Variants in EHBP1 observed in about 807,000 individuals in gnomAD.
EHBP1 encodes EH domain binding protein 1.
EHBP1 carries 55 observed loss-of-function variants against 144.0 expected under a neutral mutation model. The observed-to-expected ratio is 0.38, with a 90% confidence interval of 0.31 to 0.48. EHBP1 has a LOEUF of 0.48. Ranked by LOEUF, EHBP1 falls within the 20% of genes least tolerant of loss-of-function variation. EHBP1 has a pLI of 0.98. For synonymous variants in EHBP1, 469 were observed against 472.7 expected (o/e 0.99, Z 0.10); for missense variants, 1,200 against 1,364.2 (o/e 0.88, Z 1.90).
chr2:62,883,235 T>C (rs555131332), intron 10 of EHBP1, among the ~76,000 whole-genome samples: 9 of 152,328 alleles, frequency 5.9e-5, no homozygotes, highest in Admixed American at 6.5e-5. Flanking sequence ...TGGTTCCAGG[T>C]TGGAACTCTA....
chr2:62,823,568 A>G (rs532071350), intron 5 of EHBP1, among the ~76,000 whole-genome samples: 35 of 152,044 alleles, frequency 2.3e-4, no homozygotes, highest in Non-Finnish European at 4.4e-4. Context: ...CTCTTATAGA[A>G]CCGATTATAG....
intron 10 of EHBP1, among the ~76,000 whole-genome samples, chr2:62,922,025 A>C (rs751764309): frequency 6.6e-6 from 1 of 152,138 alleles, no homozygotes; most frequent in South Asian, 2.1e-4. Flanking sequence ...AACTGCAAAA[A>C]TTAGCCAGGC....
Position 63,037,544 on chromosome 2 carries a change from C to CAGA in EHBP1, c.3125_3127dup (p.Glu1042dup). 6.2e-7 allele frequency: 1 copy of CAGA among 1,604,248 alleles called. No homozygotes were observed. Among genetic ancestry groups the CAGA allele is most frequent in the Non-Finnish European group, 8.5e-7 (1 of 1,174,726 alleles). On this transcript the variant is annotated inframe_insertion, in exon 20 of 23. Coordinates refer to ENST00000431489, the MANE Select transcript of EHBP1 (RefSeq NM_001142616.3). ...TCTTCCCGAATTATAGGAAGGAACA[C>CAGA]AGAAGAAGAAGAAGCTATGATGCAG...
chr2:62,808,305 A>G (rs1243685542), intron 5 of EHBP1, among the ~76,000 whole-genome samples: 4 of 122,074 alleles, frequency 3.3e-5, no homozygotes, highest in Non-Finnish European at 7.0e-5. Flanking sequence ...TGGCTACTCT[A>G]TTTTTTTTTC....
chr2:63,006,441 G>GT, intron 19 of EHBP1, among the ~76,000 whole-genome samples: 1 of 151,922 alleles, frequency 6.6e-6, no homozygotes, highest in East Asian at 1.9e-4. Context: ...GTTCTTGCCT[G>GT]TTTTTTCCAC....
At chr2:62,912,097 T>C (rs1048586766) in intron 10 of EHBP1, among the ~76,000 whole-genome samples, 1 of 152,244 alleles carries the variant, frequency 6.6e-6, no homozygotes, top group Non-Finnish European at 1.5e-5. Context: ...AGATTATGTA[T>C]GTTAAAGGAG....
At chr2:62,770,934 A>AT (rs769056780) in intron 4 of EHBP1, among the ~76,000 whole-genome samples, 25 of 152,200 alleles carry the variant, frequency 1.6e-4, no homozygotes, top group Non-Finnish European at 3.2e-4. Flanking sequence ...GTTCTCATTT[A>AT]TAAGTGGGAG....
In EHBP1 at chr2:62,747,425, C is replaced by G; in HGVS notation, c.135C>G (p.Thr45=). ...WQPDKLVVVW[T]RRSRRKSSKA... ...CAGATAAACTGGTGGTAGTTTGGACCAGAAGAAGCCGAAGGAAGTCTTCTA... is the reference window on the plus strand; with the variant it reads ...CAGATAAACTGGTGGTAGTTTGGACGAGAAGAAGCCGAAGGAAGTCTTCTA... The change falls in exon 3 of 23, where the codon ACC becomes ACG. Residue 45 remains threonine (T), a synonymous_variant. Coordinates refer to ENST00000431489, the MANE Select transcript of EHBP1 (RefSeq NM_001142616.3). The G allele has an allele frequency of 6.2e-7, 1 of 1,609,040 alleles. No homozygotes were observed. Among genetic ancestry groups the G allele is most frequent in the Non-Finnish European group, 8.5e-7 (1 of 1,177,472 alleles).
intron 2 of EHBP1, among the ~76,000 whole-genome samples, chr2:62,728,071 C>CTAGT (rs1385104259): frequency 2.6e-5 from 4 of 152,138 alleles, no homozygotes; most frequent in Non-Finnish European, 5.9e-5. Flanking sequence ...ATTGGACACC[C>CTAGT]TAGTAGTCTG....
intron 7 of EHBP1, among the ~76,000 whole-genome samples, chr2:62,850,789 TTTAAG>T (rs1242334825): frequency 1.4e-4 from 21 of 152,314 alleles, no homozygotes; most frequent in Middle Eastern, 6.8e-3. Context: ...TAAATTTTCT[TTTAAG>T]TTAATTTTTT....
chr2:62,964,301 A>T (rs2153147107), intron 14 of EHBP1, among the ~76,000 whole-genome samples: 1 of 152,312 alleles, frequency 6.6e-6, no homozygotes, highest in South Asian at 2.1e-4. Flanking sequence ...GTGTCTTAGC[A>T]TCAGAAACAC....
chr2:63,043,832 G>C (rs1311948226), intron 21 of EHBP1: 2 of 138,580 alleles, frequency 1.4e-5, no homozygotes, highest in African/African-American at 2.7e-5. Flanking sequence ...AGAGAGAAGA[G>C]AGAAACCCAA....
chr2:62,790,168 A>G (rs1157733140), intron 5 of EHBP1, among the ~76,000 whole-genome samples: 1 of 152,214 alleles, frequency 6.6e-6, no homozygotes, highest in Non-Finnish European at 1.5e-5. Flanking sequence ...ATTGAATGAA[A>G]TAAATGAAGA....
At chr2:62,963,639 A>G (rs762812580) in intron 14 of EHBP1, among the ~76,000 whole-genome samples, 1 of 152,214 alleles carries the variant, frequency 6.6e-6, no homozygotes, top group Non-Finnish European at 1.5e-5. Context: ...TATCAATTCT[A>G]CTGTTAGGAA....
intron 21 of EHBP1, among the ~76,000 whole-genome samples, chr2:63,042,436 C>T (rs1355559791): frequency 6.6e-6 from 1 of 151,904 alleles, no homozygotes; most frequent in East Asian, 1.9e-4. Flanking sequence ...TTGCTATTTC[C>T]TGTACAGTTG....
intron 6 of EHBP1, among the ~76,000 whole-genome samples, chr2:62,828,465 G>T (rs746984095): frequency 9.2e-5 from 14 of 152,032 alleles, no homozygotes; most frequent in Admixed American, 7.2e-4. Context: ...CAAATACATG[G>T]TATTTAACAT....
chr2:62,730,624 TAGAG>T lies in EHBP1; in HGVS notation c.105-16757_105-16754del, dbSNP rs898881603. Among the ~76,000 whole-genome samples the T allele has an allele frequency of 7.5e-4, 112 of 149,776 alleles. 1 individual carries two copies. The highest frequency in any genetic ancestry group is 3.8e-3 in the South Asian group (18 of 4,732). On this transcript the variant is annotated intron_variant, in intron 2 of 22. Transcript: ENST00000431489. ...CTCTAAACATCTTTTTCTTTTTTTT[TAGAG>T]AGAGAGAGAGAGACAGAGACAGAGA...
At chr2:62,869,440 A>C (rs1311259684) in intron 9 of EHBP1, among the ~76,000 whole-genome samples, 1 of 152,244 alleles carries the variant, frequency 6.6e-6, no homozygotes, top group Non-Finnish European at 1.5e-5. Context: ...ATATCCATAC[A>C]ATGCAGTACT....
At chr2:62,704,123 T>C, upstream of EHBP1, among the ~76,000 whole-genome samples, 1 of 152,210 alleles carries the variant, frequency 6.6e-6, no homozygotes, top group East Asian at 1.9e-4. Flanking sequence ...CGTAAACCAC[T>C]CAGGAAGGAC....
Sources: allele counts gnomAD v4.1 joint callset (sites outside exome capture counted in the v4.1 genomes callset), GRCh38; gene constraint gnomAD v4.1.1; transcripts MANE v1.5; gene names NCBI Gene and HGNC (gene_info 2026-07-23, HGNC 2026-07-21).